Variants in EXOC6 observed in about 807,000 individuals in gnomAD.
EXOC6 encodes exocyst complex component 6, also known as SEC15-like 1.
In EXOC6, 60 loss-of-function variants were observed where a neutral mutation model predicts 112.5. The ratio of observed to expected loss-of-function variants is 0.53; its 90% CI spans 0.43 to 0.66. The LOEUF is 0.66. Among genes scored for constraint, EXOC6 ranks in the 30% least tolerant of loss-of-function variants. The probability of loss-of-function intolerance (pLI) is 0.00; values close to 1 mark genes in which losing one functional copy is unlikely to be tolerated. For missense variants in EXOC6, 855 were observed against 957.1 expected (o/e 0.89, Z 1.41); for synonymous variants, 295 against 308.0 (o/e 0.96, Z 0.44).
rs148664658 is a variant in EXOC6 at position 93,046,500 on chromosome 10, A to G, written c.2170-10424A>G. 6.5e-4 allele frequency among the ~76,000 whole-genome samples: 99 copies of G among 152,190 alleles called. 1 individual carries two copies. The East Asian group carries it at 0.018, about 27-fold the overall frequency. On this transcript the variant is annotated intron_variant, in intron 20 of 21. Coordinates refer to ENST00000260762, the MANE Select transcript of EXOC6 (RefSeq NM_019053.6). ...GGAGACTGATTTAGACTTAAGTGTT[A>G]TGGACTAAGTAAGAGCTACCTGAGT...
intron 20 of EXOC6, among the ~76,000 whole-genome samples, chr10:93,028,230 G>A (rs927619643): frequency 6.6e-6 from 1 of 152,024 alleles, no homozygotes; most frequent in Admixed American, 6.6e-5. Flanking sequence ...CCTGGAGGTC[G>A]AGACTTCAGT....
At chr10:92,851,460 A>T (rs1361624104) in intron 1 of EXOC6, among the ~76,000 whole-genome samples, 3 of 152,130 alleles carry the variant, frequency 2.0e-5, no homozygotes, top group Non-Finnish European at 2.9e-5. Flanking sequence ...AGCCTGGCCA[A>T]CATGGTGAAA....
intron 17 of EXOC6, among the ~76,000 whole-genome samples, chr10:92,958,796 A>G (rs962007604): frequency 3.9e-5 from 6 of 152,188 alleles, no homozygotes; most frequent in East Asian, 1.9e-4. Context: ...AAGACTTACT[A>G]TAAAGCTGTA....
At chr10:92,975,918 T>C (rs183056795) in intron 18 of EXOC6, among the ~76,000 whole-genome samples, 1 of 100,592 alleles carries the variant, frequency 9.9e-6, no homozygotes, top group Non-Finnish European at 2.1e-5. Context: ...GGGAGGGAGG[T>C]GGGGGGGTCA....
intron 1 of EXOC6, among the ~76,000 whole-genome samples, chr10:92,857,620 T>C (rs994902177): frequency 2.0e-5 from 3 of 152,240 alleles, no homozygotes; most frequent in Non-Finnish European, 4.4e-5. Context: ...TGATTGTCCA[T>C]TGTATTACAT....
intron 18 of EXOC6, among the ~76,000 whole-genome samples, chr10:92,991,273 C>A (rs568765836): frequency 1.3e-5 from 2 of 151,152 alleles, no homozygotes; most frequent in Non-Finnish European, 3.0e-5. Flanking sequence ...CCGTCTCTAC[C>A]AAAAACACAA....
At chr10:92,937,855 C>T (rs975565394) in intron 12 of EXOC6, among the ~76,000 whole-genome samples, 3 of 152,144 alleles carry the variant, frequency 2.0e-5, no homozygotes, top group African/African-American at 7.2e-5. Flanking sequence ...CACTTCTTCT[C>T]AAAGTGTGGT....
Position 92,854,901 on chromosome 10 carries a change from G to GT in EXOC6, c.101+6273dup, listed in dbSNP as rs139993763. 2.0e-5 allele frequency among the ~76,000 whole-genome samples: 3 copies of GT among 152,176 alleles called. No homozygotes were observed. The South Asian group carries it at 6.2e-4, about 32-fold the overall frequency. Reference sequence around the variant, plus strand: ...TCTCTCAATTGAGATGAGTATTTGGGTTTTTTCCCCCCTTTATTCTATTCA... The same window carrying GT: ...TCTCTCAATTGAGATGAGTATTTGGGTTTTTTTCCCCCCTTTATTCTATTCA... On this transcript the variant is annotated intron_variant, in intron 1 of 21. Coordinates refer to ENST00000260762, the MANE Select transcript of EXOC6 (RefSeq NM_019053.6).
intron 1 of EXOC6, among the ~76,000 whole-genome samples, chr10:92,873,445 C>A (rs1242237396): frequency 6.6e-6 from 1 of 152,048 alleles, no homozygotes; most frequent in African/African-American, 2.4e-5. Flanking sequence ...AAGTAAAATT[C>A]AACATCAGAA....
chr10:92,921,145 A>G (rs1851412433), intron 8 of EXOC6, among the ~76,000 whole-genome samples: 1 of 151,468 alleles, frequency 6.6e-6, no homozygotes, highest in Admixed American at 6.6e-5. Context: ...TTGTTTTAAC[A>G]TGTCTTATAT....
intron 1 of EXOC6, among the ~76,000 whole-genome samples, chr10:92,856,591 G>T (rs954764426): frequency 2.0e-5 from 3 of 152,178 alleles, no homozygotes; most frequent in East Asian, 1.9e-4. Context: ...GTTTATTGAG[G>T]CTTATTTTAT....
chr10:92,857,753 A>T (rs957362677), intron 1 of EXOC6, among the ~76,000 whole-genome samples: 1 of 150,130 alleles, frequency 6.7e-6, no homozygotes, highest in Non-Finnish European at 1.5e-5. Flanking sequence ...GTATTTTATA[A>T]TTACATAGTT....
intron 20 of EXOC6, among the ~76,000 whole-genome samples, chr10:93,049,862 T>C (rs928648107): frequency 2.6e-5 from 4 of 152,166 alleles, no homozygotes; most frequent in African/African-American, 7.2e-5. Flanking sequence ...ACCACCATGG[T>C]AGGCCAGAAG....
chr10:92,910,747 G>C (rs1260174691), intron 6 of EXOC6, among the ~76,000 whole-genome samples: 1 of 152,090 alleles, frequency 6.6e-6, no homozygotes. Context: ...GGCTAACACG[G>C]TGAAACCCCA....
At chr10:93,039,180 A>G (rs1564931165) in intron 20 of EXOC6, among the ~76,000 whole-genome samples, 1 of 151,918 alleles carries the variant, frequency 6.6e-6, no homozygotes, top group African/African-American at 2.4e-5. Flanking sequence ...TGCTGAAGGT[A>G]TTTTTTTTAT....
intron 1 of EXOC6, among the ~76,000 whole-genome samples, chr10:92,855,937 T>A (rs1298850226): frequency 1.3e-5 from 2 of 152,184 alleles, no homozygotes; most frequent in Non-Finnish European, 1.5e-5. Flanking sequence ...CGATCTTGGC[T>A]CACTGCAACC....
At chr10:93,000,044 A>G (rs1361286316) in intron 19 of EXOC6, among the ~76,000 whole-genome samples, 1 of 152,158 alleles carries the variant, frequency 6.6e-6, no homozygotes, top group Non-Finnish European at 1.5e-5. Context: ...ATAGGTATAT[A>G]TGTATGTATG....
At chr10:92,893,297 G>T in intron 1 of EXOC6, 52 bp from the exon 2 acceptor site, 1 of 1,348,948 alleles carries the variant, frequency 7.4e-7, no homozygotes, top group Non-Finnish European at 1.0e-6. Flanking sequence ...CAAAGATCAG[G>T]CTTACTAAAT....
chr10:92,871,129 T>G (rs993892175), intron 1 of EXOC6, among the ~76,000 whole-genome samples: 1 of 152,226 alleles, frequency 6.6e-6, no homozygotes, highest in African/African-American at 2.4e-5. Flanking sequence ...TTGGTCTGTT[T>G]TAGACTTTCT....
Sources: gnomAD v4.1 joint callset for allele counts (sites outside exome capture counted in the v4.1 genomes callset) on GRCh38, gnomAD v4.1.1 for gene constraint, MANE v1.5 for transcripts, NCBI Gene and HGNC (gene_info 2026-07-23, HGNC 2026-07-21) for gene names.